The following TTN variants were observed in gnomAD, a reference collection of about 807,000 sequenced individuals.
TTN encodes the protein titin.
Under a neutral mutation model 3,223.0 loss-of-function variants are expected in TTN, and 1,525 were observed. That is an observed-to-expected ratio of 0.47 (90% CI 0.45 to 0.49). The LOEUF (loss-of-function observed/expected upper bound fraction) is 0.49, where lower values mean the gene tolerates loss of function less well. Among genes scored for constraint, TTN ranks in the 20% least tolerant of loss-of-function variants. TTN has a pLI of 0.00. For missense variants in TTN, 40,786 were observed against 43,424.0 expected, an observed-to-expected ratio of 0.94 and a Z score of 5.40; for synonymous variants, 14,094 against 15,161.0, an observed-to-expected ratio of 0.93 and a Z score of 5.17.
At position 178,593,280 on chromosome 2, in the gene TTN, T is replaced by C. The variant is rs2050641106; in HGVS notation, c.58928A>G (p.Asp19643Gly). 6.2e-7 allele frequency: 1 copy of C among 1,613,292 alleles called. No individual in the cohort carries two copies. Among genetic ancestry groups the C allele is most frequent in the African/African-American group, 1.3e-5 (1 of 74,882 alleles). ...IHPYTKFRVP[D>G]LLEGCQYEFR... ...TTCATACTGACATCCTTCTAGAAGA[T>C]CAGGAACCCTAAATTTAGTGTATGG... Residue 19643 changes from aspartate to glycine, a missense_variant, in exon 299 of 363, where the codon GAT becomes GGT. By Grantham distance (94) the Asp-to-Gly change is moderately conservative (BLOSUM62 -1). Coordinates refer to ENST00000589042, the MANE Select transcript of TTN (RefSeq NM_001267550.2).
intron 240 of TTN, 147 bp downstream of exon 240, chr2:178,629,154 T>C (rs948805383): frequency 8.8e-7 from 1 of 1,142,322 alleles, no homozygotes. Flanking sequence ...GCTTTACAGT[T>C]TCAGCAGAAA....
chr2:178,778,020 A>G (rs1561313297), intron 24 of TTN, 45 bp from the exon 25 acceptor site: 1 of 1,593,762 alleles, frequency 6.3e-7, no homozygotes, highest in African/African-American at 1.3e-5. Context: ...CATAAAGAAA[A>G]CTCAGCAAAA....
chr2:178,539,326 A>G, intron 352 of TTN, 56 bp downstream of exon 352: 1 of 1,594,144 alleles, frequency 6.3e-7, no homozygotes, highest in Non-Finnish European at 8.6e-7. Flanking sequence ...CTTTCATTTA[A>G]AAACAGAAAA....
In TTN at chr2:178,575,704, T is replaced by C. The variant is rs1239345681; in HGVS notation, c.70428A>G (p.Glu23476=). The C allele has an allele frequency of 1.9e-6, 3 of 1,613,450 alleles. No individual in the cohort carries two copies. The highest frequency in any genetic ancestry group is 2.5e-6 in the Non-Finnish European group (3 of 1,179,640). ...RITNYIVEKR[E]ATRKSYSTAT... ...CTGTGGAATAAGATTTCCGTGTTGC[T>C]TCACGTTTCTCTACAATGTAGTTTG... The change falls in exon 326 of 363, where the codon GAA becomes GAG. Residue 23476 remains glutamate, a synonymous_variant. Coordinates refer to ENST00000589042, the MANE Select transcript of TTN (RefSeq NM_001267550.2). This position sits in a 1 kb window ranked among gnomAD's most constrained non-coding sequence, Gnocchi z 4.0.
chr2:178,694,016 G>A lies in TTN; in HGVS notation c.31427-8C>T. ...TTGTATGCACAGCTGGTACTTTAAA[G>A]AGAGTATTTCACATTAGTATTCCTT... is the stretch of plus-strand genomic sequence containing the variant. On this transcript the variant is annotated splice_polypyrimidine_tract_variant and splice_region_variant and intron_variant, in intron 117 of 362. Coordinates refer to ENST00000589042, the MANE Select transcript of TTN (RefSeq NM_001267550.2). 6.2e-7 allele frequency: 1 copy of A among 1,603,930 alleles called. No homozygotes were observed. The highest frequency in any genetic ancestry group is 1.1e-5 in the South Asian group (1 of 89,646).
chr2:178,785,545 C>T (rs2093113795), intron 15 of TTN, 75 bp downstream of exon 15: 2 of 1,604,424 alleles, frequency 1.2e-6, no homozygotes, highest in African/African-American at 2.7e-5. Flanking sequence ...TGGCCTACCC[C>T]AGAGATGCTC....
chr2:178,641,966 G>A (rs2061295650), intron 219 of TTN, among the ~76,000 whole-genome samples: 1 of 151,484 alleles, frequency 6.6e-6, no homozygotes, highest in Middle Eastern at 3.4e-3. Flanking sequence ...AGTCATAGTT[G>A]TTGTTAGTTT....
In TTN at chr2:178,565,858, C is replaced by T. The variant is rs1705634558; in HGVS notation, c.80274G>A (p.Met26758Ile). The T allele has an allele frequency of 6.2e-7, 1 of 1,613,640 alleles. No homozygotes were observed. Among genetic ancestry groups the T allele is most frequent in the Non-Finnish European group, 8.5e-7 (1 of 1,179,646 alleles). ...CACCAACTCCAAATTCATTTTCAGC[C>T]ATGACTCTGAAGTAATAAATGGCTC... ...TEGAIYYFRV[M>I]AENEFGVGVP... is the part of the protein sequence containing the mutation. The change falls in exon 326 of 363, where the codon ATG (methionine) becomes ATA (isoleucine). Residue 26758 changes from methionine to isoleucine, a missense_variant. Coordinates refer to ENST00000589042, the MANE Select transcript of TTN (RefSeq NM_001267550.2).
At position 178,727,269 on chromosome 2, in the gene TTN, A is replaced by T. The variant is rs907862282; in HGVS notation, c.20096T>A (p.Val6699Asp). Residue 6699 changes from valine (V) to aspartate (D), a missense_variant, in exon 69 of 363, where the codon GTT becomes GAT. By Grantham distance (152) the Val-to-Asp change is radical. Transcript: ENST00000589042. ...TTCATGTTCATTTCGGAACCACACA[A>T]CTCTGATTTCTGGGGATCCAGCTAT... ...CKIAGSPEIR[V>D]VWFRNEHELP... 6 of 1,612,840 alleles carry T rather than the reference A, an allele frequency of 3.7e-6. No homozygotes were observed. In the African/African-American group the frequency reaches 8.0e-5, roughly 22 times the overall value.
In TTN at chr2:178,764,535, G is replaced by A. The variant is rs1561162422; in HGVS notation, c.9980C>T (p.Ser3327Leu). ...YGVATTSASL[S>L]VEVPEVVSPD... ...TAGCGAGGCATTCCTACCTTCCACT[G>A]AGAGTGAAGCTGATGTTGTGGCAAC... The change falls in exon 42 of 363, where the codon TCA (serine) becomes TTA (leucine). Residue 3327 changes from serine to leucine, a missense_variant. Transcript: ENST00000589042. 1 of 1,614,118 alleles carries A rather than the reference G, an allele frequency of 6.2e-7. No individual in the cohort carries two copies.
rs1164601482 is a variant in TTN, at chr2:178,532,057, G to A, written c.104558C>T (p.Pro34853Leu). ...ACGTGACCGGATCAGCTCAGACACT[G>A]GCCTCATTAACTCAATATAAGTTGG... ...LSPTYIELMR[P>L]VSELIRSRPQ... Residue 34853 changes from proline (P) to leucine (L), a missense_variant, in exon 358 of 363, where the codon CCA (proline) becomes CTA (leucine). Pro to Leu is a moderately conservative substitution (Grantham distance 98). Coordinates refer to ENST00000589042, the MANE Select transcript of TTN (RefSeq NM_001267550.2). 2 of 1,613,874 alleles carry A rather than the reference G, an allele frequency of 1.2e-6. No homozygotes were observed. Among genetic ancestry groups the A allele is most frequent in the Non-Finnish European group, 1.7e-6 (2 of 1,179,872 alleles).
chr2:178,624,424 A>G (rs1419855058), intron 242 of TTN, 41 bp downstream of exon 242: 2 of 1,606,850 alleles, frequency 1.2e-6, no homozygotes, highest in South Asian at 1.1e-5. Flanking sequence ...TAGTTATTAA[A>G]GAATTGCAAA....
At chr2:178,736,237 A>C (rs2081414126) in intron 49 of TTN, among the ~76,000 whole-genome samples, 163 bp from the exon 50 acceptor site, 1 of 152,196 alleles carries the variant, frequency 6.6e-6, no homozygotes, top group Admixed American at 6.5e-5. Context: ...TTGTCAAAGG[A>C]AAGGGATGAG....
Position 178,694,853 on chromosome 2 carries a change from C to G in TTN, c.31324G>C (p.Glu10442Gln). The change falls in exon 116 of 363, where the codon GAA (glutamate) becomes CAA (glutamine). Residue 10442 changes from glutamate to glutamine, a missense_variant. Glu to Gln is a conservative substitution (Grantham distance 29). Coordinates refer to ENST00000589042, the MANE Select transcript of TTN (RefSeq NM_001267550.2). ...KIEKTSRRMEEEKVQVTKVPE... is the reference protein window; with the variant it reads ...KIEKTSRRMEQEKVQVTKVPE... ...CCTTTGGTGACTTGAACTTTTTCTTCCTCCATTCTTCGAGAAGTCTTTTCA... is the reference window on the plus strand; with the variant it reads ...CCTTTGGTGACTTGAACTTTTTCTTGCTCCATTCTTCGAGAAGTCTTTTCA... The G allele has an allele frequency of 6.4e-7, 1 of 1,559,736 alleles. No homozygotes were observed.
rs1325532897 is a variant in TTN, at chr2:178,634,871, A to T, written c.42025-22T>A. ...AAGTCTGAAAAACAATAGTTTTAGT[A>T]ACCATTTGAAAGAGATAAATTCCCT... On this transcript the variant is annotated intron_variant, in intron 228 of 362. Transcript: ENST00000589042. This position sits in a 1 kb window ranked among gnomAD's most constrained non-coding sequence, Gnocchi z 4.6. 1.9e-6 allele frequency: 3 copies of T among 1,599,624 alleles called. No individual in the cohort carries two copies. The highest frequency in any genetic ancestry group is 2.6e-6 in the Non-Finnish European group (3 of 1,175,874).
At position 178,541,552 on chromosome 2, in the gene TTN, A is replaced by C. The variant is rs1233350994; in HGVS notation, c.97525T>G (p.Phe32509Val). The C allele has an allele frequency of 5.0e-6, 8 of 1,611,932 alleles. No individual in the cohort carries two copies. The highest frequency in any genetic ancestry group is 6.8e-6 in the Non-Finnish European group (8 of 1,178,864). Residue 32509 changes from phenylalanine (F) to valine (V), a missense_variant, in exon 350 of 363, where the codon TTT becomes GTT. Phe to Val is a conservative substitution (Grantham distance 50). Coordinates refer to ENST00000589042, the MANE Select transcript of TTN (RefSeq NM_001267550.2). The stretch of plus-strand genomic sequence containing the variant: ...GTCATGCCATCACGGGAAACATCAA[A>C]TATCTGTAATGTTTCTGGGGGTCCA... ...IPGPPETLQIFDVSRDGMTLT... is the reference protein window; with the variant it reads ...IPGPPETLQIVDVSRDGMTLT...
rs994464411 is a variant in TTN, at chr2:178,533,640, T to C, written c.102975A>G (p.Thr34325=). ...CAACAGTATATTCAGCGTCATCATC[T>C]GTAGTGACACTGTTGATTGTTAATT... ...LYQLTINSVT[T]DDDAEYTVVA... is the part of the protein sequence containing the mutation. Residue 34325 remains threonine (T), a synonymous_variant, in exon 358 of 363, where the codon ACA becomes ACG. Coordinates refer to ENST00000589042, the MANE Select transcript of TTN (RefSeq NM_001267550.2). 2 of 1,613,880 alleles carry C rather than the reference T, an allele frequency of 1.2e-6. No individual in the cohort carries two copies. The highest frequency in any genetic ancestry group is 1.7e-6 in the Non-Finnish European group (2 of 1,179,882).
Position 178,773,325 on chromosome 2 carries a change from T to C in TTN, c.7639A>G (p.Thr2547Ala), listed in dbSNP as rs984424988. 6.2e-7 allele frequency: 1 copy of C among 1,613,936 alleles called. No homozygotes were observed. The highest frequency in any genetic ancestry group is 8.5e-7 in the Non-Finnish European group (1 of 1,179,954). ...RGLRDLTCTE[T>A]QNVVFEVELS... ...TCAACCTCAAACACCACATTTTGAG[T>C]TTCTGTACAGGTAAGGTCACGAAGA... The change falls in exon 33 of 363, where the codon ACT becomes GCT. Residue 2547 changes from threonine to alanine, a missense_variant. Coordinates refer to ENST00000589042, the MANE Select transcript of TTN (RefSeq NM_001267550.2).
chr2:178,757,227 A>ACACTGTACTTGCTTTAAG (rs1182075269), intron 45 of TTN, among the ~76,000 whole-genome samples: 83 of 150,248 alleles, frequency 5.5e-4, no homozygotes, highest in Non-Finnish European at 9.0e-4. Context: ...ACAGTAAGTA[A>ACACTGTACTTGCTTTAAG]TAATCAGCAA....
Sources: gnomAD v4.1 joint callset for allele counts (sites outside exome capture counted in the v4.1 genomes callset) on GRCh38, gnomAD v4.1.1 for gene constraint, Gnocchi (gnomAD v3.1) non-coding constraint, MANE v1.5 for transcripts, NCBI Gene and HGNC (gene_info 2026-07-23, HGNC 2026-07-21) for gene names.